The following PRKG1 variants were observed in gnomAD, a reference collection of about 807,000 sequenced individuals.
The protein encoded by PRKG1 is protein kinase cGMP-dependent 1, also known as cGMP-dependent protein kinase 1.
Under a neutral mutation model 88.1 loss-of-function variants are expected in PRKG1, and 35 were observed. That is an observed-to-expected ratio of 0.40 (90% confidence interval 0.30 to 0.53). The LOEUF (loss-of-function observed/expected upper bound fraction) is 0.53, where lower values mean the gene tolerates loss of function less well. Among genes scored for constraint, PRKG1 ranks in the 20% least tolerant of loss-of-function variants. The probability of loss-of-function intolerance (pLI) is 0.59; values close to 1 mark genes in which losing one functional copy is unlikely to be tolerated. For missense variants in PRKG1, 540 were observed against 839.8 expected (o/e 0.64, Z 4.41); for synonymous variants, 303 against 292.5 (o/e 1.04, Z -0.37).
At chr10:51,734,063 A>C (rs1344276879) in intron 3 of PRKG1, among the ~76,000 whole-genome samples, 1 of 152,074 alleles carries the variant, frequency 6.6e-6, no homozygotes, top group Non-Finnish European at 1.5e-5. Flanking sequence ...AAAGTATTTT[A>C]GCTTTTTTAA....
chr10:51,464,898 A>G (rs1228462487), intron 2 of PRKG1, among the ~76,000 whole-genome samples: 1 of 151,782 alleles, frequency 6.6e-6, no homozygotes, highest in Non-Finnish European at 1.5e-5. Flanking sequence ...CTCAAAAAAA[A>G]AAAAAAAAAA....
chr10:51,942,837 G>A (rs1313549175), intron 5 of PRKG1, among the ~76,000 whole-genome samples: 3 of 150,944 alleles, frequency 2.0e-5, no homozygotes, highest in Non-Finnish European at 2.9e-5. Context: ...CCAGTACCAT[G>A]CTGTTTTGGT....
chr10:52,264,906 G>A (rs145279727), intron 10 of PRKG1, among the ~76,000 whole-genome samples: 31 of 152,108 alleles, frequency 2.0e-4, no homozygotes, highest in Non-Finnish European at 3.2e-4. Flanking sequence ...TAAAGTCAAG[G>A]TCATACTTTC....
chr10:51,196,762 A>G (rs1302332428), intron 2 of PRKG1, among the ~76,000 whole-genome samples: 2 of 152,058 alleles, frequency 1.3e-5, no homozygotes, highest in African/African-American at 4.8e-5. Context: ...TTGAGTTATA[A>G]ACATGTGTAT....
At chr10:50,992,966 A>G (rs1372117831) in intron 1 of PRKG1, among the ~76,000 whole-genome samples, 1 of 152,136 alleles carries the variant, frequency 6.6e-6, no homozygotes, top group Admixed American at 6.5e-5. Context: ...CTCCTAAACT[A>G]GTCCCCCTCT....
At chr10:51,933,859 A>C (rs1842745440) in intron 5 of PRKG1, among the ~76,000 whole-genome samples, 1 of 152,172 alleles carries the variant, frequency 6.6e-6, no homozygotes, top group Non-Finnish European at 1.5e-5. Flanking sequence ...TATGTGCCAA[A>C]GTCACAATCT....
intron 12 of PRKG1, among the ~76,000 whole-genome samples, 180 bp downstream of exon 12, chr10:52,272,661 T>C (rs370497729): frequency 3.3e-5 from 5 of 152,224 alleles, no homozygotes; most frequent in South Asian, 4.1e-4. Flanking sequence ...ACTGTACATA[T>C]AACAAAACTC....
At chr10:51,907,463 A>T (rs201627037) in intron 4 of PRKG1, 44 bp from the exon 5 acceptor site, 63 of 1,453,924 alleles carry the variant, frequency 4.3e-5, no homozygotes, top group Non-Finnish European at 5.9e-5. Flanking sequence ...TATGAAAGTA[A>T]GTTGTGGTTC....
chr10:51,133,541 A>G (rs957248421), intron 1 of PRKG1, among the ~76,000 whole-genome samples: 10 of 152,334 alleles, frequency 6.6e-5, no homozygotes, highest in African/African-American at 2.2e-4. Flanking sequence ...TAGCAGGAAA[A>G]AAGATTCAAA....
intron 8 of PRKG1, among the ~76,000 whole-genome samples, chr10:52,142,432 TGA>T (rs1837607138): frequency 6.6e-6 from 1 of 152,194 alleles, no homozygotes; most frequent in Admixed American, 6.6e-5. Context: ...ATAAATCGTA[TGA>T]TAGTCCACCT....
intron 4 of PRKG1, among the ~76,000 whole-genome samples, chr10:51,815,694 T>C (rs1349513260): frequency 1.3e-5 from 2 of 152,234 alleles, no homozygotes; most frequent in Non-Finnish European, 2.9e-5. Context: ...TGTTTGTTTT[T>C]GGTTTTGGCT....
chr10:51,205,127 C>CTTTTTTTT lies in PRKG1; in HGVS notation c.478+51820_478+51827dup, dbSNP rs58176913. ...TAAGGAAGAATTTTCATTTTCTTTTCTTTTTTTTTTTTTTTTTTTTTTTTT... is the reference window on the plus strand; with the variant it reads ...TAAGGAAGAATTTTCATTTTCTTTTCTTTTTTTTTTTTTTTTTTTTTTTTTTTTTTTTT... On this transcript the variant is annotated intron_variant, in intron 2 of 17. Transcript: ENST00000373980. Among the ~76,000 whole-genome samples the CTTTTTTTT allele has an allele frequency of 6.7e-4, 43 of 63,996 alleles. 3 individuals are homozygous for CTTTTTTTT. The highest frequency in any genetic ancestry group is 8.7e-4 in the Non-Finnish European group (29 of 33,240). The allele number at this position is 63,996 out of a possible 152,430, so 42.0% of individuals were successfully genotyped here.
At chr10:51,095,134 G>C (rs1388761253) in intron 1 of PRKG1, among the ~76,000 whole-genome samples, 1 of 152,098 alleles carries the variant, frequency 6.6e-6, no homozygotes, top group Non-Finnish European at 1.5e-5. Flanking sequence ...CGTCTGGAGG[G>C]TTTATGATCT....
At chr10:51,386,683 G>C (rs1412084799) in intron 2 of PRKG1, among the ~76,000 whole-genome samples, 4 of 152,080 alleles carry the variant, frequency 2.6e-5, no homozygotes, top group Non-Finnish European at 5.9e-5. Flanking sequence ...ATCTTATCCA[G>C]AAACACCCTC....
At chr10:52,110,208 C>T (rs952378696) in intron 7 of PRKG1, among the ~76,000 whole-genome samples, 14 of 151,662 alleles carry the variant, frequency 9.2e-5, no homozygotes, top group Admixed American at 8.5e-4. Flanking sequence ...ATTAGCCAGG[C>T]GTGGTGGCGG....
At chr10:51,624,678 A>T (rs1044760551) in intron 3 of PRKG1, among the ~76,000 whole-genome samples, 8 of 152,254 alleles carry the variant, frequency 5.3e-5, no homozygotes, top group African/African-American at 1.9e-4. Context: ...TTTTCACAGC[A>T]TTACTCACAG....
intron 7 of PRKG1, among the ~76,000 whole-genome samples, chr10:52,092,297 A>G (rs1174280456): frequency 1.3e-5 from 2 of 152,198 alleles, no homozygotes; most frequent in African/African-American, 2.4e-5. Context: ...GACATACACT[A>G]AATTTTATTT....
intron 4 of PRKG1, among the ~76,000 whole-genome samples, chr10:51,888,915 T>C (rs563065836): frequency 6.6e-6 from 1 of 152,304 alleles, no homozygotes; most frequent in Non-Finnish European, 1.5e-5. Context: ...GAGAGGTAAA[T>C]TAACTTATTT....
At chr10:51,806,098 A>G (rs1288710335) in intron 4 of PRKG1, among the ~76,000 whole-genome samples, 1 of 152,086 alleles carries the variant, frequency 6.6e-6, no homozygotes, top group East Asian at 1.9e-4. Context: ...GACAGAGAGA[A>G]TGAATATTCA....
Sources: gnomAD v4.1 joint callset for allele counts (sites outside exome capture counted in the v4.1 genomes callset) on GRCh38, gnomAD v4.1.1 for gene constraint, MANE v1.5 for transcripts, NCBI Gene and HGNC (gene_info 2026-07-23, HGNC 2026-07-21) for gene names.